LRP1B: variants seen among roughly 807,000 people sequenced by gnomAD.
LRP1B encodes low-density lipoprotein receptor-related protein 1B.
LRP1B carries 217 observed loss-of-function variants against 556.6 expected under a neutral mutation model. The ratio of observed to expected loss-of-function variants is 0.39; its 90% CI spans 0.35 to 0.44. The LOEUF is 0.44. Among genes scored for constraint, LRP1B ranks in the 20% least tolerant of loss-of-function variants. The pLI is 1.00. For missense variants in LRP1B, 5,053 were observed against 5,620.8 expected (o/e 0.90, Z 3.23); for synonymous variants, 2,047 against 1,865.8 (o/e 1.10, Z -2.50).
At chr2:141,425,277 C>T (rs1680317184) in intron 3 of LRP1B, among the ~76,000 whole-genome samples, 1 of 150,856 alleles carries the variant, frequency 6.6e-6, no homozygotes, top group South Asian at 2.1e-4. Context: ...GCATAGTATT[C>T]CATGGTGTAT....
intron 1 of LRP1B, among the ~76,000 whole-genome samples, chr2:141,858,318 CTATT>C (rs1698130120): frequency 6.6e-6 from 1 of 152,112 alleles, no homozygotes; most frequent in African/African-American, 2.4e-5. Flanking sequence ...TTTATAGAAC[CTATT>C]TATTAACACA....
intron 2 of LRP1B, among the ~76,000 whole-genome samples, chr2:141,604,216 A>C (rs1574130251): frequency 6.6e-6 from 1 of 152,272 alleles, no homozygotes; most frequent in East Asian, 1.9e-4. Context: ...CTATTATATA[A>C]ATTTTATATA....
At chr2:141,098,571 T>C (rs974502341) in intron 7 of LRP1B, among the ~76,000 whole-genome samples, 1 of 152,220 alleles carries the variant, frequency 6.6e-6, no homozygotes, top group Non-Finnish European at 1.5e-5. Context: ...CATCTTAGCT[T>C]ACATGAGGAC....
At chr2:141,033,293 G>A (rs1213103636) in intron 11 of LRP1B, among the ~76,000 whole-genome samples, 1 of 152,006 alleles carries the variant, frequency 6.6e-6, no homozygotes, top group East Asian at 1.9e-4. Context: ...TCAGATGCCA[G>A]ATCATTCTCA....
chr2:140,468,548 C>A (rs774215623), intron 60 of LRP1B, among the ~76,000 whole-genome samples: 1 of 152,210 alleles, frequency 6.6e-6, no homozygotes, highest in Non-Finnish European at 1.5e-5. Context: ...CAGCTTGCAA[C>A]TTCAGCCTGG....
intron 1 of LRP1B, among the ~76,000 whole-genome samples, chr2:142,035,661 C>CT (rs952213807): frequency 7.9e-5 from 12 of 151,580 alleles, no homozygotes; most frequent in African/African-American, 2.4e-4. Flanking sequence ...TTAACAACAA[C>CT]TTTTTTTCTG....
At chr2:141,494,839 AAC>A (rs57553238) in intron 2 of LRP1B, among the ~76,000 whole-genome samples, 68,035 of 147,820 alleles carry the variant, frequency 0.46, 15,776 homozygotes, top group Non-Finnish European at 0.48. Flanking sequence ...CACACACACA[AAC>A]ACACACACAC....
At chr2:140,499,068 C>T (rs995240135) in intron 55 of LRP1B, among the ~76,000 whole-genome samples, 31 of 151,784 alleles carry the variant, frequency 2.0e-4, no homozygotes, top group Non-Finnish European at 2.9e-4. Flanking sequence ...CTTCTTTCTA[C>T]GGCTTCTTGA....
intron 87 of LRP1B, among the ~76,000 whole-genome samples, chr2:140,241,743 C>A (rs1680957726): frequency 6.6e-6 from 1 of 150,590 alleles, no homozygotes; most frequent in Non-Finnish European, 1.5e-5. Flanking sequence ...GTTTTTATTG[C>A]TGGAAACACA....
At chr2:142,072,907 A>ATGCC (rs1364263364) in intron 1 of LRP1B, among the ~76,000 whole-genome samples, 1 of 152,084 alleles carries the variant, frequency 6.6e-6, no homozygotes, top group Admixed American at 6.6e-5. Flanking sequence ...CAAAATCTCT[A>ATGCC]TGCCTGTAAT....
rs151112103 is a variant in LRP1B, at chr2:140,490,377, T to C, written c.9120+2231A>G. 3.9e-5 allele frequency among the ~76,000 whole-genome samples: 6 copies of C among 152,196 alleles called. No individual in the cohort carries two copies. In the East Asian group the frequency reaches 1.2e-3, roughly 29 times the overall value. ...ACCTTACTACAGTTATGTTGTAGAA[T>C]ATAGAGGGCAAGAAAAAGCTCCACC... On this transcript the variant is annotated intron_variant, in intron 57 of 90. Transcript: ENST00000389484.
At chr2:141,225,490 T>C (rs1683210807) in intron 6 of LRP1B, among the ~76,000 whole-genome samples, 1 of 152,162 alleles carries the variant, frequency 6.6e-6, no homozygotes, top group African/African-American at 2.4e-5. Context: ...TGGGTATCTG[T>C]GTCCTTACCA....
rs72981945 is a variant in LRP1B, at chr2:141,202,836, C to T, written c.851-14253G>A. ...TACATGTTTGCTGCACCCATCAACC[C>T]GTCACCTACATCAGGTATTTTTCCT... On this transcript the variant is annotated intron_variant, in intron 6 of 90. Coordinates refer to ENST00000389484, the MANE Select transcript of LRP1B (RefSeq NM_018557.3). 1.8e-3 allele frequency among the ~76,000 whole-genome samples: 281 copies of T among 152,090 alleles called. 1 individual carries two copies. Among genetic ancestry groups the T allele is most frequent in the African/African-American group, 6.3e-3 (261 of 41,494 alleles).
chr2:141,365,654 G>GCTTTTTTTTTTTTTGGCT (rs1343912215), intron 3 of LRP1B, among the ~76,000 whole-genome samples: 1 of 131,664 alleles, frequency 7.6e-6, no homozygotes, highest in African/African-American at 2.9e-5. Context: ...TGTTTTTGTT[G>GCTTTTTTTTTTTTTGGCT]CTTTTTTTTT....
At chr2:140,403,660 G>A (rs1330939918) in intron 66 of LRP1B, among the ~76,000 whole-genome samples, 2 of 152,158 alleles carry the variant, frequency 1.3e-5, no homozygotes, top group Non-Finnish European at 2.9e-5. Flanking sequence ...CATAATTGAT[G>A]TTTCTGAGAG....
chr2:140,385,726 T>G (rs892163413), intron 67 of LRP1B, among the ~76,000 whole-genome samples, 167 bp downstream of exon 67: 2 of 152,212 alleles, frequency 1.3e-5, no homozygotes, highest in African/African-American at 4.8e-5. Flanking sequence ...AATTCTACCA[T>G]TTGAAATTCA....
chr2:141,865,527 G>C (rs1310936542), intron 1 of LRP1B, among the ~76,000 whole-genome samples: 1 of 143,302 alleles, frequency 7.0e-6, no homozygotes, highest in Non-Finnish European at 1.5e-5. Context: ...GGGAGGCGGA[G>C]CTTGCAGCGA....
chr2:140,594,169 C>T (rs1477524415), intron 43 of LRP1B, among the ~76,000 whole-genome samples: 1 of 152,046 alleles, frequency 6.6e-6, no homozygotes, highest in Non-Finnish European at 1.5e-5. Context: ...GGGGTTTCAC[C>T]ATCTTGGTCA....
chr2:140,969,156 T>G (rs1476748480), intron 18 of LRP1B, among the ~76,000 whole-genome samples: 4 of 152,202 alleles, frequency 2.6e-5, no homozygotes, highest in Non-Finnish European at 4.4e-5. Flanking sequence ...TATTATTCTG[T>G]GGGAGTCTAA....
Sources: allele counts gnomAD v4.1 joint callset (sites outside exome capture counted in the v4.1 genomes callset), GRCh38; gene constraint gnomAD v4.1.1; transcripts MANE v1.5; gene names NCBI Gene and HGNC (gene_info 2026-07-23, HGNC 2026-07-21).